Variants in MAGI2 observed in about 807,000 individuals in gnomAD.
The protein encoded by MAGI2 is membrane-associated guanylate kinase, WW and PDZ domain-containing protein 2.
MAGI2 carries 35 observed loss-of-function variants against 133.3 expected under a neutral mutation model. The observed-to-expected ratio is 0.26, with a 90% CI of 0.20 to 0.35. The LOEUF (loss-of-function observed/expected upper bound fraction) is 0.35. Among genes scored for constraint, MAGI2 ranks in the 10% least tolerant of loss-of-function variants. The pLI is 1.00. For synonymous variants in MAGI2, 729 were observed against 710.6 expected, an observed-to-expected ratio of 1.03 and a Z score of -0.41; for missense variants, 1,636 against 1,863.4, an observed-to-expected ratio of 0.88 and a Z score of 2.25.
intron 2 of MAGI2, among the ~76,000 whole-genome samples, chr7:78,702,488 T>A (rs191332008): frequency 2.5e-4 from 38 of 152,124 alleles, no homozygotes; most frequent in African/African-American, 8.4e-4. Flanking sequence ...GAAATGAGGA[T>A]AATACTAGCA....
chr7:78,485,318 C>G (rs1792878698), intron 6 of MAGI2: 1 of 151,980 alleles, frequency 6.6e-6, no homozygotes, highest in African/African-American at 2.4e-5. Context: ...GCCATGTAGA[C>G]TGCTGCTAAA....
At chr7:79,020,807 T>C (rs374438495) in intron 1 of MAGI2, among the ~76,000 whole-genome samples, 1 of 148,530 alleles carries the variant, frequency 6.7e-6, no homozygotes, top group African/African-American at 2.5e-5. Flanking sequence ...AGGAGCCAAA[T>C]GTTAATCGCC....
intron 21 of MAGI2, among the ~76,000 whole-genome samples, chr7:78,060,787 C>T (rs951257106): frequency 4.6e-5 from 7 of 152,174 alleles, no homozygotes; most frequent in Non-Finnish European, 1.0e-4. Context: ...AACTGGAACA[C>T]ATCTATGTAA....
intron 2 of MAGI2, among the ~76,000 whole-genome samples, chr7:78,695,254 A>G (rs570201635): frequency 3.3e-5 from 5 of 152,260 alleles, no homozygotes; most frequent in African/African-American, 4.8e-5. Context: ...ATAAAATAAA[A>G]TGTCTCCTGA....
At chr7:79,387,006 C>CAG (rs918292404) in intron 1 of MAGI2, among the ~76,000 whole-genome samples, 2 of 110,900 alleles carry the variant, frequency 1.8e-5, no homozygotes, top group African/African-American at 9.5e-5. Context: ...TGTATACACA[C>CAG]ACACACGTTA....
At chr7:78,212,136 A>G (rs1787823865) in intron 10 of MAGI2, among the ~76,000 whole-genome samples, 1 of 152,188 alleles carries the variant, frequency 6.6e-6, no homozygotes, top group Non-Finnish European at 1.5e-5. Flanking sequence ...TTATACCAGT[A>G]CTTCTCTATT....
intron 1 of MAGI2, among the ~76,000 whole-genome samples, chr7:79,097,928 C>G (rs1230813348): frequency 6.6e-6 from 1 of 152,104 alleles, no homozygotes; most frequent in Non-Finnish European, 1.5e-5. Flanking sequence ...TCGAGACCAG[C>G]CTGACCAACA....
At chr7:78,977,931 A>G (rs988289681) in intron 2 of MAGI2, among the ~76,000 whole-genome samples, 1 of 151,900 alleles carries the variant, frequency 6.6e-6, no homozygotes. Context: ...GACGTTCAAC[A>G]TCATTTGTCA....
chr7:78,723,727 T>G (rs545169144), intron 2 of MAGI2, among the ~76,000 whole-genome samples: 1 of 152,170 alleles, frequency 6.6e-6, no homozygotes, highest in Non-Finnish European at 1.5e-5. Context: ...TTGATTTGGA[T>G]CAGGAATGTC....
At chr7:78,890,005 A>G (rs1796607342) in intron 2 of MAGI2, among the ~76,000 whole-genome samples, 1 of 152,238 alleles carries the variant, frequency 6.6e-6, no homozygotes, top group African/African-American at 2.4e-5. Flanking sequence ...AGAGACACAT[A>G]TAGGCTCAAA....
chr7:78,198,428 G>GTTTTTT (rs398066996), intron 11 of MAGI2, among the ~76,000 whole-genome samples: 4 of 97,494 alleles, frequency 4.1e-5, no homozygotes, highest in Admixed American at 1.3e-4. Flanking sequence ...GGCTGTGGCC[G>GTTTTTT]TTTTTTTTTT....
At chr7:79,178,864 A>G (rs914344984) in intron 1 of MAGI2, among the ~76,000 whole-genome samples, 2 of 152,030 alleles carry the variant, frequency 1.3e-5, no homozygotes, top group Admixed American at 1.3e-4. Context: ...AAAGTTTGCC[A>G]TAAGTTCTGC....
intron 2 of MAGI2, among the ~76,000 whole-genome samples, chr7:78,826,745 AG>A (rs1790688356): frequency 2.0e-5 from 3 of 152,184 alleles, no homozygotes; most frequent in African/African-American, 7.2e-5. Context: ...AATATGAAAC[AG>A]CCTCACTGAC....
At chr7:79,205,756 GGTGT>G (rs113762722) in intron 1 of MAGI2, among the ~76,000 whole-genome samples, 9,865 of 148,020 alleles carry the variant, frequency 0.067, 1,119 homozygotes, top group African/African-American at 0.23. Flanking sequence ...AATGTAGAGG[GGTGT>G]GTGTGTGTGT....
intron 1 of MAGI2, among the ~76,000 whole-genome samples, chr7:79,235,602 C>T (rs11979157): frequency 0.038 from 5,827 of 152,248 alleles, 179 homozygotes; most frequent in African/African-American, 0.077. Context: ...AAGGGAACTC[C>T]CCGACCCCTT....
intron 2 of MAGI2, among the ~76,000 whole-genome samples, chr7:78,645,799 C>T (rs992053941): frequency 2.0e-5 from 3 of 151,334 alleles, no homozygotes; most frequent in African/African-American, 2.4e-5. Flanking sequence ...AGTGCAGTGG[C>T]ATGATCTTGG....
intron 1 of MAGI2, among the ~76,000 whole-genome samples, chr7:79,394,590 A>G (rs1844906064): frequency 1.3e-5 from 2 of 152,230 alleles, no homozygotes; most frequent in Admixed American, 1.3e-4. Context: ...ATTATAAATT[A>G]GGTGTTTCAA....
At chr7:79,391,775 C>T (rs2129152116) in intron 1 of MAGI2, among the ~76,000 whole-genome samples, 1 of 151,976 alleles carries the variant, frequency 6.6e-6, no homozygotes, top group Admixed American at 6.5e-5. Context: ...AGCTCCGCCT[C>T]CTGGTTCACA....
At chr7:78,806,096 T>A (rs767625325) in intron 2 of MAGI2, among the ~76,000 whole-genome samples, 1 of 152,208 alleles carries the variant, frequency 6.6e-6, no homozygotes, top group African/African-American at 2.4e-5. Context: ...AGCTGACTTG[T>A]TGGATAAAGT....
Sources: allele counts gnomAD v4.1 joint callset (sites outside exome capture counted in the v4.1 genomes callset), GRCh38; gene constraint gnomAD v4.1.1; transcripts MANE v1.5; gene names NCBI Gene and HGNC (gene_info 2026-07-23, HGNC 2026-07-21).